Variants in GARNL3 observed in about 807,000 individuals in gnomAD.
GARNL3 encodes the protein GTPase activating Rap/RanGAP domain like 3, also known as GTPase-activating Rap/Ran-GAP domain-like protein 3.
GARNL3 carries 63 observed loss-of-function variants against 125.0 expected under a neutral mutation model. The observed-to-expected ratio is 0.50, with a 90% CI of 0.41 to 0.62. GARNL3 has a LOEUF of 0.62. Ranked by LOEUF, GARNL3 falls within the 20% of genes least tolerant of loss-of-function variation. The pLI is 0.00. For synonymous variants in GARNL3, 439 were observed against 457.5 expected, an observed-to-expected ratio of 0.96 and a Z score of 0.52; for missense variants, 994 against 1,244.0, an observed-to-expected ratio of 0.80 and a Z score of 3.02.
chr9:127,246,952 T>TTTG (rs2063315687), intron 2 of GARNL3, among the ~76,000 whole-genome samples: 1 of 144,808 alleles, frequency 6.9e-6, no homozygotes, highest in African/African-American at 2.8e-5. Context: ...TTTTTTTTTT[T>TTTG]GCGTCAATGT....
chr9:127,253,498 T>C (rs532597057), intron 2 of GARNL3, among the ~76,000 whole-genome samples: 3 of 152,232 alleles, frequency 2.0e-5, no homozygotes, highest in Non-Finnish European at 4.4e-5. Flanking sequence ...GAACCCATTG[T>C]GAAGCTTAAA....
chr9:127,378,692 A>G (rs933865458), intron 22 of GARNL3, among the ~76,000 whole-genome samples: 1 of 152,188 alleles, frequency 6.6e-6, no homozygotes, highest in Admixed American at 6.6e-5. Context: ...TTACCCAATA[A>G]GCATTGTTAA....
chr9:127,264,532 G>T (rs1402700275), upstream of GARNL3: 3 of 1,011,418 alleles, frequency 3.0e-6, no homozygotes, highest in Middle Eastern at 4.9e-4. Flanking sequence ...TTGCATATTT[G>T]GGACAAAGAG....
At chr9:127,349,125 C>T (rs1184764595) in intron 17 of GARNL3, 90 bp downstream of exon 17, 2 of 859,598 alleles carry the variant, frequency 2.3e-6, no homozygotes, top group African/African-American at 3.3e-5. Context: ...CCCTTTGGGC[C>T]ATAAATGTGT....
At chr9:127,320,581 T>G in intron 5 of GARNL3, 134 bp from the exon 6 acceptor site, 1 of 618,816 alleles carries the variant, frequency 1.6e-6, no homozygotes, top group Non-Finnish European at 2.9e-6. Context: ...TTTCATCTGT[T>G]TGTTCATTGA....
chr9:127,344,188 G>T, intron 14 of GARNL3, 47 bp from the exon 15 acceptor site: 1 of 1,324,304 alleles, frequency 7.6e-7, no homozygotes, highest in South Asian at 1.2e-5. Flanking sequence ...CAAAAGATGA[G>T]ACTTAACAAC....
rs111447274 is a variant in GARNL3, at chr9:127,368,774, A to G, written c.2161+3408A>G. ...ACATGGTGAAACCCCGTCTCTACTA[A>G]AAATACAAAAATCAGCCAGGAGTGG... On this transcript the variant is annotated intron_variant, in intron 22 of 27. Transcript: ENST00000373387. Among the ~76,000 whole-genome samples, 596 of 152,008 alleles carry G rather than the reference A, an allele frequency of 3.9e-3. 1 individual carries two copies. Among genetic ancestry groups the G allele is most frequent in the African/African-American group, 0.014 (570 of 41,516 alleles).
chr9:127,389,747 C>G (rs1832728152), intron 26 of GARNL3, among the ~76,000 whole-genome samples: 1 of 151,504 alleles, frequency 6.6e-6, no homozygotes, highest in African/African-American at 2.4e-5. Context: ...ATGGTGAAAC[C>G]CCATCTCTAT....
At chr9:127,330,040 G>A in intron 7 of GARNL3, among the ~76,000 whole-genome samples, 1 of 152,202 alleles carries the variant, frequency 6.6e-6, no homozygotes, top group Non-Finnish European at 1.5e-5. Context: ...AGCAGTATCA[G>A]CATCACCTCG....
At chr9:127,265,170 C>T (rs1291558660) in intron 1 of GARNL3, 149 bp downstream of exon 1, 3 of 532,836 alleles carry the variant, frequency 5.6e-6, no homozygotes, top group Non-Finnish European at 9.4e-6. Flanking sequence ...TATACAAAGG[C>T]TATGATAATT....
chr9:127,241,936 TTTGTTGTTGTTG>T (rs148526680), intron 1 of GARNL3, among the ~76,000 whole-genome samples: 21 of 150,254 alleles, frequency 1.4e-4, no homozygotes, highest in South Asian at 2.2e-4. Flanking sequence ...CCCGGCCTGG[TTTGTTGTTGTTG>T]TTGTTGTTGT....
At position 127,313,557 on chromosome 9, in the gene GARNL3, A is replaced by G. The variant is rs1415741647; in HGVS notation, c.436A>G (p.Thr146Ala). 1 of 1,606,546 alleles carries G rather than the reference A, an allele frequency of 6.2e-7. No individual in the cohort carries two copies. Among genetic ancestry groups the G allele is most frequent in the Admixed American group, 1.7e-5 (1 of 60,010 alleles). Residue 146 changes from threonine (T) to alanine (A), a missense_variant and splice_region_variant, in exon 4 of 28, where the codon ACA (threonine) becomes GCA (alanine). By Grantham distance (58) the Thr-to-Ala change is moderately conservative. Coordinates refer to ENST00000373387, the MANE Select transcript of GARNL3 (RefSeq NM_032293.5). ...ATACCGTGCAATTCTTTGGAGAAAA[A>G]CAGTAAGTATATGGCTCACACTTGA... ...PQYRAILWRK[T>A]GTQKICLPYS...
At chr9:127,323,441 G>T (rs545062518) in intron 6 of GARNL3, among the ~76,000 whole-genome samples, 1 of 152,244 alleles carries the variant, frequency 6.6e-6, no homozygotes, top group East Asian at 1.9e-4. Context: ...TGAGACTCTA[G>T]CCCTGAGCTC....
chr9:127,309,760 A>G (rs537591897), intron 2 of GARNL3, among the ~76,000 whole-genome samples: 3 of 152,282 alleles, frequency 2.0e-5, no homozygotes, highest in African/African-American at 7.2e-5. Context: ...GCTTTTGGTA[A>G]ATTTAATTTT....
intron 2 of GARNL3, among the ~76,000 whole-genome samples, chr9:127,297,182 A>AG (rs2131395016): frequency 6.6e-6 from 1 of 152,092 alleles, no homozygotes; most frequent in South Asian, 2.1e-4. Context: ...TCTGTCACCT[A>AG]GGCTGGAGTG....
Position 127,233,917 on chromosome 9 carries a change from C to G in GARNL3, c.-28-9162C>G. Among the ~76,000 whole-genome samples, 2 of 152,154 alleles carry G rather than the reference C, an allele frequency of 1.3e-5. 1 individual carries two copies. Among genetic ancestry groups the G allele is most frequent in the African/African-American group, 4.8e-5 (2 of 41,530 alleles). On this transcript the variant is annotated intron_variant, in intron 1 of 10. Coordinates refer to the GARNL3 transcript ENST00000439286. Reference sequence around the variant, plus strand: ...TTTGTTTTTCTTGTAGTTTTCCAGACTTTCTTTTTTTCAGGTAGTTTTGTG... The same window carrying G: ...TTTGTTTTTCTTGTAGTTTTCCAGAGTTTCTTTTTTTCAGGTAGTTTTGTG...
intron 2 of GARNL3, among the ~76,000 whole-genome samples, chr9:127,296,895 C>T (rs533440724): frequency 6.6e-6 from 1 of 152,060 alleles, no homozygotes; most frequent in Admixed American, 6.6e-5. Context: ...CTTAGTCTTT[C>T]TGGCAGCCAC....
intron 20 of GARNL3, among the ~76,000 whole-genome samples, chr9:127,356,058 T>G (rs1830672309): frequency 6.6e-6 from 1 of 152,140 alleles, no homozygotes; most frequent in South Asian, 2.1e-4. Context: ...CAGAGAGAAC[T>G]GGGAAATATA....
chr9:127,286,539 C>T (rs762617796), intron 1 of GARNL3, among the ~76,000 whole-genome samples: 8 of 152,162 alleles, frequency 5.3e-5, no homozygotes, highest in Non-Finnish European at 1.0e-4. Flanking sequence ...TTGTCTCAAA[C>T]TGATATTCTG....
Sources: allele counts gnomAD v4.1 joint callset (sites outside exome capture counted in the v4.1 genomes callset), GRCh38; gene constraint gnomAD v4.1.1; transcripts MANE v1.5; gene names NCBI Gene and HGNC (gene_info 2026-07-23, HGNC 2026-07-21).